MEGF11: variants seen among roughly 807,000 people sequenced by gnomAD.
The protein encoded by MEGF11 is multiple epidermal growth factor-like domains protein 11.
A neutral mutation model predicts 146.6 loss-of-function variants in MEGF11; 126 were observed. That is an observed-to-expected ratio of 0.86 (90% CI 0.74 to 1.00). The LOEUF is 1.00. Among genes scored for constraint, MEGF11 ranks in the 50% least tolerant of loss-of-function variants. The pLI is 0.00. For synonymous variants in MEGF11, 532 were observed against 583.4 expected (o/e 0.91, Z 1.27); for missense variants, 1,509 against 1,521.2 (o/e 0.99, Z 0.13).
intron 10 of MEGF11, among the ~76,000 whole-genome samples, chr15:65,935,122 C>G (rs1245792024): frequency 1.3e-5 from 2 of 151,768 alleles, no homozygotes. Context: ...AGATTGAGAC[C>G]ATCCTGGCCA....
intron 1 of MEGF11, among the ~76,000 whole-genome samples, chr15:66,207,739 T>C (rs1452977494): frequency 6.6e-6 from 1 of 152,166 alleles, no homozygotes; most frequent in African/African-American, 2.4e-5. Context: ...CAAATACTGT[T>C]GATGGGCACA....
At chr15:66,026,097 A>C (rs926862055) in intron 5 of MEGF11, among the ~76,000 whole-genome samples, 2 of 152,234 alleles carry the variant, frequency 1.3e-5, no homozygotes, top group Non-Finnish European at 2.9e-5. Flanking sequence ...CCGGGGATGG[A>C]GCCCTGACAG....
chr15:66,083,053 G>A (rs1228325398), intron 5 of MEGF11, among the ~76,000 whole-genome samples: 1 of 152,162 alleles, frequency 6.6e-6, no homozygotes, highest in Non-Finnish European at 1.5e-5. Flanking sequence ...TTTCATGAGA[G>A]TGTGTCCAGG....
chr15:66,133,404 G>A (rs368810974), intron 1 of MEGF11, among the ~76,000 whole-genome samples: 1 of 152,216 alleles, frequency 6.6e-6, no homozygotes, highest in Non-Finnish European at 1.5e-5. Flanking sequence ...TAAAGCAAAC[G>A]CCTCACATTT....
intron 12 of MEGF11, 102 bp downstream of exon 12, chr15:65,929,618 C>T: frequency 1.5e-6 from 2 of 1,354,032 alleles, no homozygotes; most frequent in East Asian, 5.1e-5. Flanking sequence ...CATCACCTAG[C>T]TTAGTGCTGT....
rs758693228 is a variant in MEGF11 at position 65,928,451 on chromosome 15, T to G, written c.1649A>C (p.His550Pro). 6.2e-7 allele frequency: 1 copy of G among 1,601,932 alleles called. No individual in the cohort carries two copies. The highest frequency in any genetic ancestry group is 2.3e-5 in the East Asian group (1 of 44,424). The change falls in exon 13 of 26, where the codon CAC becomes CCC. Residue 550 changes from histidine (H) to proline (P), a missense_variant. By Grantham distance (77) the His-to-Pro change is moderately conservative (BLOSUM62 -2). Transcript: ENST00000395614. ...HADGCDPVTG[H>P]CCCLAGWTGI... ...TGTCCATCCGGCCAGGCAGCAGCAG[T>G]GGCCTGTGACGGGGTCACATCCATC...
chr15:65,982,458 C>T lies in MEGF11; in HGVS notation c.425G>A (p.Cys142Tyr). The T allele has an allele frequency of 6.7e-7, 1 of 1,487,710 alleles. No individual in the cohort carries two copies. 92.2% of individuals were successfully genotyped at this position (1,487,710 alleles called of 1,614,324 possible). Residue 142 changes from cysteine to tyrosine, a missense_variant, in exon 6 of 26, where the codon TGC becomes TAC. Physicochemically the swap from Cys to Tyr is radical, Grantham distance 194. Coordinates refer to ENST00000395614, the MANE Select transcript of MEGF11 (RefSeq NM_001385028.1). This position sits in a 1 kb window ranked among gnomAD's most constrained non-coding sequence, Gnocchi z 5.6. ...GCDSDHWGPH[C>Y]SNRCQCQNGA... ...GTTCTGGCACTGGCACCGGTTGCTG[C>T]AGTGGGGCCCCCAGTGGTCGCTGTC... is the stretch of plus-strand genomic sequence containing the variant.
intron 5 of MEGF11, among the ~76,000 whole-genome samples, chr15:66,024,551 T>G (rs1226582602): frequency 2.0e-5 from 3 of 152,198 alleles, no homozygotes; most frequent in Admixed American, 6.5e-5. Context: ...TCAGGCACTG[T>G]GTTAGGCCCT....
chr15:66,195,901 G>A (rs1373366847), intron 1 of MEGF11, among the ~76,000 whole-genome samples: 1 of 152,234 alleles, frequency 6.6e-6, no homozygotes, highest in African/African-American at 2.4e-5. Flanking sequence ...GCAGGGGCTG[G>A]AGTAAGACGT....
chr15:65,977,179 G>C (rs1343677683), intron 7 of MEGF11, among the ~76,000 whole-genome samples: 1 of 63,882 alleles, frequency 1.6e-5, no homozygotes, highest in East Asian at 2.7e-4. Context: ...AAAAAAAAGA[G>C]GATCTTGGCT....
intron 1 of MEGF11, among the ~76,000 whole-genome samples, chr15:66,131,784 G>A (rs1383467600): frequency 6.6e-6 from 1 of 152,204 alleles, no homozygotes; most frequent in African/African-American, 2.4e-5. Context: ...TAGACTCTGA[G>A]AAGACCCAAA....
At chr15:65,946,132 T>A (rs895879893) in intron 10 of MEGF11, among the ~76,000 whole-genome samples, 2 of 152,220 alleles carry the variant, frequency 1.3e-5, no homozygotes, top group East Asian at 3.8e-4. Context: ...TTATTACATA[T>A]GACCCAACAG....
At chr15:65,959,563 T>TAATA (rs2080785411) in intron 9 of MEGF11, among the ~76,000 whole-genome samples, 1 of 152,230 alleles carries the variant, frequency 6.6e-6, no homozygotes, top group Non-Finnish European at 1.5e-5. Context: ...TTTAATACTT[T>TAATA]AATACTTTTA....
At chr15:65,999,330 G>A (rs757959261) in intron 5 of MEGF11, among the ~76,000 whole-genome samples, 3 of 151,994 alleles carry the variant, frequency 2.0e-5, no homozygotes, top group Admixed American at 6.5e-5. Context: ...GCACCTGCCC[G>A]GTATCACTTC....
At chr15:65,936,945 C>T (rs1157502627) in intron 10 of MEGF11, among the ~76,000 whole-genome samples, 1 of 152,202 alleles carries the variant, frequency 6.6e-6, no homozygotes, top group Non-Finnish European at 1.5e-5. Context: ...CTGGTCTATG[C>T]TTCCATGCCT....
chr15:66,006,633 T>G (rs2082529231), intron 5 of MEGF11, among the ~76,000 whole-genome samples: 2 of 152,182 alleles, frequency 1.3e-5, no homozygotes, highest in Non-Finnish European at 2.9e-5. Flanking sequence ...GCTGCTGGCA[T>G]CCTCGACAGG....
chr15:66,095,882 C>T (rs888912243), intron 4 of MEGF11, among the ~76,000 whole-genome samples: 1 of 152,202 alleles, frequency 6.6e-6, no homozygotes. Flanking sequence ...CCCTGAGAAG[C>T]GGCTAACCCA....
chr15:66,140,086 C>T (rs2089075478), intron 1 of MEGF11, among the ~76,000 whole-genome samples: 1 of 152,170 alleles, frequency 6.6e-6, no homozygotes, highest in African/African-American at 2.4e-5. Flanking sequence ...TTCCCCTCTC[C>T]TGAAAAGCAG....
chr15:66,013,619 G>T (rs1195278133), intron 5 of MEGF11, among the ~76,000 whole-genome samples: 2 of 152,132 alleles, frequency 1.3e-5, no homozygotes, highest in Non-Finnish European at 2.9e-5. Flanking sequence ...TGAGGCCAAA[G>T]ATCTGAAGCT....
Sources: allele counts gnomAD v4.1 joint callset (sites outside exome capture counted in the v4.1 genomes callset), GRCh38; gene constraint gnomAD v4.1.1; non-coding constraint Gnocchi (gnomAD v3.1); transcripts MANE v1.5; gene names NCBI Gene and HGNC (gene_info 2026-07-23, HGNC 2026-07-21).